The following PTPRO variants were observed in gnomAD, a reference collection of about 807,000 sequenced individuals.
The protein encoded by PTPRO is receptor-type tyrosine-protein phosphatase O.
In PTPRO, 62 loss-of-function variants were observed where a neutral mutation model predicts 145.2. The ratio of observed to expected loss-of-function variants is 0.43; its 90% CI spans 0.35 to 0.53. The LOEUF is 0.53. Ranked by LOEUF, PTPRO falls within the 20% of genes least tolerant of loss-of-function variation. PTPRO has a pLI of 0.01. For missense variants in PTPRO, 1,345 were observed against 1,482.7 expected, an observed-to-expected ratio of 0.91 and a Z score of 1.53; for synonymous variants, 565 against 514.7, an observed-to-expected ratio of 1.10 and a Z score of -1.32.
intron 20 of PTPRO, among the ~76,000 whole-genome samples, chr12:15,579,525 C>G (rs1207330654): frequency 6.6e-6 from 1 of 152,202 alleles, no homozygotes; most frequent in Non-Finnish European, 1.5e-5. Flanking sequence ...AGAGAAGTCT[C>G]TTCTTGATAT....
chr12:15,465,995 G>C (rs907768018), intron 1 of PTPRO, among the ~76,000 whole-genome samples: 6 of 152,154 alleles, frequency 3.9e-5, no homozygotes, highest in Non-Finnish European at 8.8e-5. Flanking sequence ...AGCTATGTTA[G>C]GTGGTTTATA....
At chr12:15,408,050 G>T (rs1489379048) in intron 1 of PTPRO, among the ~76,000 whole-genome samples, 2 of 152,066 alleles carry the variant, frequency 1.3e-5, no homozygotes, top group Non-Finnish European at 1.5e-5. Flanking sequence ...ATCCAATTCA[G>T]TCTCTAGGAT....
intron 5 of PTPRO, among the ~76,000 whole-genome samples, chr12:15,502,891 C>T (rs1230588008): frequency 1.3e-5 from 2 of 152,026 alleles, no homozygotes; most frequent in African/African-American, 4.8e-5. Flanking sequence ...TTTGAAGTTA[C>T]AGTGATAGCC....
At chr12:15,409,983 T>A (rs1253783284) in intron 1 of PTPRO, among the ~76,000 whole-genome samples, 1 of 152,138 alleles carries the variant, frequency 6.6e-6, no homozygotes, top group East Asian at 1.9e-4. Context: ...AGTAGGGACC[T>A]CTAGATTTAA....
At chr12:15,419,900 C>A (rs1379747681) in intron 1 of PTPRO, among the ~76,000 whole-genome samples, 3 of 150,014 alleles carry the variant, frequency 2.0e-5, no homozygotes, top group Non-Finnish European at 4.4e-5. Flanking sequence ...GTAATCCCAG[C>A]ACTTTGGGAG....
chr12:15,424,792 A>G (rs1271883705), intron 1 of PTPRO, among the ~76,000 whole-genome samples: 5 of 152,134 alleles, frequency 3.3e-5, no homozygotes, highest in South Asian at 2.1e-4. Context: ...TTCAGCAAGT[A>G]TGTAGAGTGT....
At chr12:15,549,361 C>T (rs1943392315) in intron 14 of PTPRO, 135 bp downstream of exon 14, 2 of 662,322 alleles carry the variant, frequency 3.0e-6, no homozygotes, top group Non-Finnish European at 4.4e-6. Flanking sequence ...CCAAAGTGCA[C>T]TTACTAGCTA....
At chr12:15,510,292 A>C (rs1427127915) in intron 7 of PTPRO, among the ~76,000 whole-genome samples, 1 of 152,188 alleles carries the variant, frequency 6.6e-6, no homozygotes, top group African/African-American at 2.4e-5. Context: ...TTAAGGAATA[A>C]ATATGCTAAA....
At chr12:15,545,219 A>G (rs1349458167) in intron 12 of PTPRO, among the ~76,000 whole-genome samples, 1 of 151,846 alleles carries the variant, frequency 6.6e-6, no homozygotes, top group African/African-American at 2.4e-5. Flanking sequence ...GACTTAGGAG[A>G]GTGGGGCAGA....
rs916260025 is a variant in PTPRO at position 15,429,378 on chromosome 12, A to C, written c.76-54596A>C. Among the ~76,000 whole-genome samples, 8 of 152,196 alleles carry C rather than the reference A, an allele frequency of 5.3e-5. No homozygotes were observed. The East Asian group carries it at 1.5e-3, about 29-fold the overall frequency. ...ACATGTTCTGAGAATGTGTCACGGA[A>C]GGACTTTGCCAAGCCAGGGCAGGAT... is the stretch of plus-strand genomic sequence containing the variant. On this transcript the variant is annotated intron_variant, in intron 1 of 26. Coordinates refer to ENST00000281171, the MANE Select transcript of PTPRO (RefSeq NM_030667.3).
intron 1 of PTPRO, among the ~76,000 whole-genome samples, chr12:15,464,623 T>G (rs140077598): frequency 0.02 from 2,993 of 152,042 alleles, 51 homozygotes; most frequent in Non-Finnish European, 0.029. Context: ...CCTCCCAAAG[T>G]GCTGGGATTA....
chr12:15,436,530 T>C (rs928156446), intron 1 of PTPRO, among the ~76,000 whole-genome samples: 132 of 152,308 alleles, frequency 8.7e-4, no homozygotes, highest in African/African-American at 3.2e-3. Context: ...ACCTTTCCAC[T>C]GGAGATCCAA....
intron 13 of PTPRO, among the ~76,000 whole-genome samples, chr12:15,547,247 A>G (rs940613295): frequency 1.4e-4 from 21 of 152,226 alleles, no homozygotes; most frequent in African/African-American, 5.1e-4. Context: ...ATGAAGACTG[A>G]GAGAAGGTTA....
At chr12:15,465,357 G>C (rs1402592742) in intron 1 of PTPRO, among the ~76,000 whole-genome samples, 3 of 152,134 alleles carry the variant, frequency 2.0e-5, no homozygotes, top group African/African-American at 4.8e-5. Context: ...AAATGTTCTA[G>C]CTATATTCTG....
chr12:15,510,260 G>T (rs913264662), intron 7 of PTPRO, among the ~76,000 whole-genome samples: 2 of 152,106 alleles, frequency 1.3e-5, no homozygotes. Flanking sequence ...TGAGAATGAG[G>T]TGCCCCTTGA....
intron 10 of PTPRO, 74 bp downstream of exon 10, chr12:15,520,386 T>C (rs1942690882): frequency 4.5e-6 from 5 of 1,100,772 alleles, no homozygotes; most frequent in South Asian, 3.8e-5. Flanking sequence ...TCCAAATCTC[T>C]AGAAAGTGCC....
chr12:15,379,725 AAT>A (rs1174272818), intron 1 of PTPRO, among the ~76,000 whole-genome samples: 1 of 152,152 alleles, frequency 6.6e-6, no homozygotes, highest in Non-Finnish European at 1.5e-5. Flanking sequence ...GAAATAGGCA[AAT>A]TTATACAAAC....
chr12:15,551,049 T>G (rs1298569931), intron 14 of PTPRO, among the ~76,000 whole-genome samples: 1 of 152,178 alleles, frequency 6.6e-6, no homozygotes, highest in Non-Finnish European at 1.5e-5. Flanking sequence ...CTTCTAGTAA[T>G]GTGTTAAGTG....
At chr12:15,423,505 A>T (rs899077731) in intron 1 of PTPRO, among the ~76,000 whole-genome samples, 3 of 152,140 alleles carry the variant, frequency 2.0e-5, no homozygotes, top group Admixed American at 6.5e-5. Context: ...TTGAAAAAAA[A>T]AAGCTAGAAA....
Sources: allele counts gnomAD v4.1 joint callset (sites outside exome capture counted in the v4.1 genomes callset), GRCh38; gene constraint gnomAD v4.1.1; transcripts MANE v1.5; gene names NCBI Gene and HGNC (gene_info 2026-07-23, HGNC 2026-07-21).